The following TAF8 variants were observed in gnomAD, a reference collection of about 807,000 sequenced individuals.
TAF8 encodes the protein transcription initiation factor TFIID subunit 8.
A neutral mutation model predicts 36.5 loss-of-function variants in TAF8; 47 were observed. The observed-to-expected ratio is 1.29, with a 90% CI of 1.02 to 1.64. The LOEUF is 1.64. Ranked by LOEUF, TAF8 falls within the 40% of genes most tolerant of loss-of-function variation. The probability of loss-of-function intolerance (pLI) is 0.00; values close to 1 mark genes in which losing one functional copy is unlikely to be tolerated. For synonymous variants in TAF8, 175 were observed against 159.5 expected (o/e 1.10, Z -0.73); for missense variants, 420 against 407.6 (o/e 1.03, Z -0.26).
Position 42,080,377 on chromosome 6 carries a change from T to TC in TAF8, c.*2832_*2833insC, listed in dbSNP as rs5875787. Reference sequence around the variant, plus strand: ...TATACTCTTTTTTTTTCTTTTCTTTTTTTTTTTTTTTTGAGACGGCATCTC... The same window carrying TC: ...TATACTCTTTTTTTTTCTTTTCTTTTCTTTTTTTTTTTTGAGACGGCATCTC... On this transcript the variant is annotated 3_prime_UTR_variant, in exon 9 of 9. Coordinates refer to ENST00000372977, the MANE Select transcript of TAF8 (RefSeq NM_138572.3). 0.54 allele frequency: 482,488 copies of TC among 895,806 alleles called. 74,906 individuals are homozygous for TC. Among genetic ancestry groups the TC allele is most frequent in the East Asian group, 0.77 (6,433 of 8,310 alleles). The allele number at this position is 895,806 out of a possible 1,614,324, so 55.5% of individuals were successfully genotyped here. A position where few individuals can be genotyped will look rare whatever the true frequency, so the allele number is the denominator to read the frequency against.
chr6:42,079,263 T>G lies in TAF8; in HGVS notation c.*1718T>G, dbSNP rs1582252267. On this transcript the variant is annotated 3_prime_UTR_variant, in exon 9 of 9. Coordinates refer to ENST00000372977, the MANE Select transcript of TAF8 (RefSeq NM_138572.3). Reference sequence around the variant, plus strand: ...TGGAAGGCTGGTGGATGGGCAGGAGTGAGCCAAGCTGAGGCGTTCTGCAAG... The same window carrying G: ...TGGAAGGCTGGTGGATGGGCAGGAGGGAGCCAAGCTGAGGCGTTCTGCAAG... 1 of 985,128 alleles carries G rather than the reference T, an allele frequency of 1.0e-6. No individual in the cohort carries two copies. Among genetic ancestry groups the G allele is most frequent in the East Asian group, 1.1e-4 (1 of 8,790 alleles). 61.0% of individuals were successfully genotyped at this position (985,128 alleles called of 1,614,324 possible).
At chr6:42,068,943 G>T (rs1328926233) in intron 7 of TAF8, among the ~76,000 whole-genome samples, 1 of 152,184 alleles carries the variant, frequency 6.6e-6, no homozygotes, top group Non-Finnish European at 1.5e-5. Context: ...TGGGAGGGAT[G>T]CAGTATTAGG....
chr6:42,073,261 A>T (rs998658950), intron 7 of TAF8, among the ~76,000 whole-genome samples: 3 of 152,196 alleles, frequency 2.0e-5, no homozygotes, highest in African/African-American at 7.2e-5. Context: ...TTACTCTTTT[A>T]TGAAAAATAT....
At chr6:42,086,864 G>T, downstream of TAF8, 1 of 1,079,258 alleles carries the variant, frequency 9.3e-7, no homozygotes, top group Non-Finnish European at 1.4e-6. Flanking sequence ...TCCAGCCCTT[G>T]CTGGTGCAGA....
In TAF8 at chr6:42,078,246, T is replaced by G; in HGVS notation, c.*701T>G. The G allele has an allele frequency of 1.0e-6, 1 of 985,514 alleles. No individual in the cohort carries two copies. The highest frequency in any genetic ancestry group is 1.2e-6 in the Non-Finnish European group (1 of 829,974). The allele number at this position is 985,514 out of a possible 1,614,324, so 61.0% of individuals were successfully genotyped here. On this transcript the variant is annotated 3_prime_UTR_variant, in exon 9 of 9. Transcript: ENST00000372977. ...TGGGGCATAGCAGCAGCCAGTGACT[T>G]CGTTCATTATCACAGGATTTGATTC...
At chr6:42,074,662 G>A (rs2127463155) in intron 7 of TAF8, among the ~76,000 whole-genome samples, 1 of 152,210 alleles carries the variant, frequency 6.6e-6, no homozygotes, top group Admixed American at 6.5e-5. Context: ...AGCCTCCCAA[G>A]TAGCTGGGAT....
At chr6:42,076,951 C>G in intron 7 of TAF8, 149 bp from the exon 8 acceptor site, 1 of 1,011,096 alleles carries the variant, frequency 9.9e-7, no homozygotes, top group Non-Finnish European at 1.4e-6. Flanking sequence ...GTCCTCGCTT[C>G]ATCGGGGCAG....
chr6:42,050,715 T>C, intron 1 of TAF8, 129 bp downstream of exon 1: 1 of 1,229,606 alleles, frequency 8.1e-7, no homozygotes, highest in Non-Finnish European at 1.1e-6. Flanking sequence ...GGAGGGTGTT[T>C]TCAGGCCGTA....
chr6:42,067,326 C>T (rs185605399), intron 6 of TAF8, among the ~76,000 whole-genome samples: 8 of 152,334 alleles, frequency 5.3e-5, no homozygotes, highest in Admixed American at 3.3e-4. Context: ...TCCAGCGATT[C>T]TTCTGCTTCA....
chr6:42,067,122 A>G lies in TAF8; in HGVS notation c.637+663A>G, dbSNP rs190480031. Among the ~76,000 whole-genome samples, 10 of 152,322 alleles carry G rather than the reference A, an allele frequency of 6.6e-5. No homozygotes were observed. In the East Asian group the frequency reaches 1.9e-3, roughly 29 times the overall value. Reference sequence around the variant, plus strand: ...AATGAGGCACAAGAGAAGAGAAATGAAGTCACTTCCTCAAGGAACATGGCT... The same window carrying G: ...AATGAGGCACAAGAGAAGAGAAATGGAGTCACTTCCTCAAGGAACATGGCT... On this transcript the variant is annotated intron_variant, in intron 6 of 8. Transcript: ENST00000372977.
intron 8 of TAF8, 55 bp from the exon 9 acceptor site, chr6:42,077,478 A>G: frequency 6.2e-7 from 1 of 1,605,660 alleles, no homozygotes; most frequent in Non-Finnish European, 8.5e-7. Context: ...TTTCCCCTAG[A>G]AGGAGAGCAG....
At chr6:42,058,453 G>A (rs772164065) in intron 5 of TAF8, among the ~76,000 whole-genome samples, 3 of 152,168 alleles carry the variant, frequency 2.0e-5, no homozygotes, top group Non-Finnish European at 4.4e-5. Flanking sequence ...TCTGAATGAG[G>A]AGAAGATGAA....
At chr6:42,058,138 C>G (rs1286466594) in intron 5 of TAF8, among the ~76,000 whole-genome samples, 1 of 151,976 alleles carries the variant, frequency 6.6e-6, no homozygotes, top group Non-Finnish European at 1.5e-5. Flanking sequence ...AATCCCAACA[C>G]TTTGGAAGGC....
In TAF8 at chr6:42,077,146, A is replaced by G; in HGVS notation, c.827A>G (p.Asn276Ser). Residue 276 changes from asparagine (N) to serine (S), a missense_variant, in exon 8 of 9, where the codon AAC becomes AGC. Physicochemically the swap from Asn to Ser is conservative, Grantham distance 46 (BLOSUM62 1). Transcript: ENST00000372977. ...EKENTSVLQQ[N>S]PSLSGSRNGE... ...GAGAACACCTCTGTCCTGCAGCAGA[A>G]CCCCTCCTTGTCGGGTAGCCGGAAT... 1.2e-6 allele frequency: 2 copies of G among 1,614,070 alleles called. No homozygotes were observed. The highest frequency in any genetic ancestry group is 1.7e-6 in the Non-Finnish European group (2 of 1,179,968).
At chr6:42,059,179 C>T (rs1765107674) in intron 5 of TAF8, among the ~76,000 whole-genome samples, 2 of 151,718 alleles carry the variant, frequency 1.3e-5, no homozygotes, top group Admixed American at 1.3e-4. Flanking sequence ...GTCAGGAGAT[C>T]GAGACCATCC....
chr6:42,081,933 C>CA lies in TAF8; in HGVS notation c.*4394dup, dbSNP rs1765937569. ...ATAATTATAGATTCACAAGATGTTG[C>CA]AAAAAATGTTGAGAGAGATCCTATG... On this transcript the variant is annotated 3_prime_UTR_variant, in exon 9 of 9. Transcript: ENST00000372977. 1 of 152,174 alleles carries CA rather than the reference C, an allele frequency of 6.6e-6. No individual in the cohort carries two copies. The highest frequency in any genetic ancestry group is 1.5e-5 in the Non-Finnish European group (1 of 68,032). 9.4% of individuals were successfully genotyped at this position (152,174 alleles called of 1,614,324 possible).
Position 42,077,564 on chromosome 6 carries a change from C to G in TAF8, c.*19C>G. 1 of 1,612,444 alleles carries G rather than the reference C, an allele frequency of 6.2e-7. No individual in the cohort carries two copies. The highest frequency in any genetic ancestry group is 1.3e-5 in the African/African-American group (1 of 75,040). On this transcript the variant is annotated 3_prime_UTR_variant, in exon 9 of 9. Transcript: ENST00000372977. ...CTCCTGAGCTGAGAAGGAAACCTGG[C>G]TTGTACAGGGGCGCAGATTCCACCC...
At chr6:42,085,343 G>A (rs565011634), downstream of TAF8, among the ~76,000 whole-genome samples, 8 of 152,298 alleles carry the variant, frequency 5.3e-5, no homozygotes, top group South Asian at 1.4e-3. Flanking sequence ...CATGATGCTC[G>A]TTCGTTGGGG....
chr6:42,069,628 G>A (rs1765490701), intron 7 of TAF8, among the ~76,000 whole-genome samples: 1 of 152,192 alleles, frequency 6.6e-6, no homozygotes, highest in Non-Finnish European at 1.5e-5. Flanking sequence ...ACATAGATGT[G>A]TTAAGTTTGA....
Sources: allele counts gnomAD v4.1 joint callset (sites outside exome capture counted in the v4.1 genomes callset), GRCh38; gene constraint gnomAD v4.1.1; transcripts MANE v1.5; gene names NCBI Gene and HGNC (gene_info 2026-07-23, HGNC 2026-07-21).